The following RFTN1 variants were observed in gnomAD, a reference collection of about 807,000 sequenced individuals.
RFTN1 encodes the protein raftlin.
Under a neutral mutation model 46.5 loss-of-function variants are expected in RFTN1, and 26 were observed. That is an observed-to-expected ratio of 0.56 (90% CI 0.41 to 0.78). The LOEUF (loss-of-function observed/expected upper bound fraction) is 0.78. Ranked by LOEUF, RFTN1 falls within the 30% of genes least tolerant of loss-of-function variation. RFTN1 has a pLI of 0.00. For missense variants in RFTN1, 693 were observed against 718.7 expected (o/e 0.96, Z 0.41); for synonymous variants, 261 against 284.2 (o/e 0.92, Z 0.82).
In RFTN1 at chr3:16,351,156, A is replaced by G. The variant is rs1398251117; in HGVS notation, c.1146+6776T>C. On this transcript the variant is annotated intron_variant, in intron 7 of 9. Transcript: ENST00000334133. The surrounding 1 kb of genome is among the most constrained non-coding windows in gnomAD (Gnocchi z 5.4). ...TCATCGAGCCTTTCATGTAAATACA[A>G]TAGAGGAATGGAAGATGGAACAACA... 1.3e-5 allele frequency among the ~76,000 whole-genome samples: 2 copies of G among 152,216 alleles called. No homozygotes were observed. The highest frequency in any genetic ancestry group is 4.8e-5 in the African/African-American group (2 of 41,452).
intron 2 of RFTN1, chr3:16,434,769 C>G (rs2075469749): frequency 6.6e-6 from 1 of 152,036 alleles, no homozygotes; most frequent in African/African-American, 2.4e-5. Flanking sequence ...AAAAGACAAA[C>G]TGGAACAAAA....
chr3:16,341,989 A>G lies in RFTN1; in HGVS notation c.1147-15113T>C, dbSNP rs1169220054. ...ACTTTGCTTTCTTTTCTTGACCTGT[A>G]TTTTCTAAATTATCTTTAATGACCA... On this transcript the variant is annotated intron_variant, in intron 7 of 9. Coordinates refer to ENST00000334133, the MANE Select transcript of RFTN1 (RefSeq NM_015150.2). The surrounding 1 kb of genome is among the most constrained non-coding windows in gnomAD (Gnocchi z 4.7). Among the ~76,000 whole-genome samples, 1 of 152,134 alleles carries G rather than the reference A, an allele frequency of 6.6e-6. No homozygotes were observed. The highest frequency in any genetic ancestry group is 1.5e-5 in the Non-Finnish European group (1 of 68,028).
chr3:16,337,244 C>T lies in RFTN1; in HGVS notation c.1147-10368G>A, dbSNP rs2070943502. 6.6e-6 allele frequency: 1 copy of T among 152,220 alleles called. No homozygotes were observed. Among genetic ancestry groups the T allele is most frequent in the Non-Finnish European group, 1.5e-5 (1 of 68,044 alleles). The allele number at this position is 152,220 out of a possible 1,614,324, so 9.4% of individuals were successfully genotyped here. On this transcript the variant is annotated intron_variant, in intron 7 of 9. Coordinates refer to ENST00000334133, the MANE Select transcript of RFTN1 (RefSeq NM_015150.2). This position sits in a 1 kb window ranked among gnomAD's most constrained non-coding sequence, Gnocchi z 5.0. Reference sequence around the variant, plus strand: ...GCTGTGGTCCACCCATCAGCGCCTGCAGGCACATGCTGAGATTAGTCGATT... The same window carrying T: ...GCTGTGGTCCACCCATCAGCGCCTGTAGGCACATGCTGAGATTAGTCGATT...
rs1270479228 is a variant in RFTN1 at position 16,335,019 on chromosome 3, T to A, written c.1147-8143A>T. ...CAATGGTCGGTAACAGATTGTCTCC[T>A]AAAAGTCTCCACAAAGAATGTGGTC... On this transcript the variant is annotated intron_variant, in intron 7 of 9. Transcript: ENST00000334133. The surrounding 1 kb of genome is among the most constrained non-coding windows in gnomAD (Gnocchi z 4.7). Among the ~76,000 whole-genome samples the A allele has an allele frequency of 1.3e-5, 2 of 152,206 alleles. No homozygotes were observed. Among genetic ancestry groups the A allele is most frequent in the Non-Finnish European group, 2.9e-5 (2 of 68,032 alleles).
rs1349271185 is a variant in RFTN1 at position 16,446,685 on chromosome 3, A to G, written c.146-12648T>C. On this transcript the variant is annotated intron_variant, in intron 2 of 9. Coordinates refer to ENST00000334133, the MANE Select transcript of RFTN1 (RefSeq NM_015150.2). The surrounding 1 kb of genome is among the most constrained non-coding windows in gnomAD (Gnocchi z 4.5). ...AGGACAAAGACCATGGTTGTATACA[A>G]GACAGTGACTGGAAATCTCAACTCC... Among the ~76,000 whole-genome samples the G allele has an allele frequency of 6.6e-6, 1 of 152,240 alleles. No homozygotes were observed. The highest frequency in any genetic ancestry group is 1.5e-5 in the Non-Finnish European group (1 of 68,048).
chr3:16,460,858 C>A lies in RFTN1; in HGVS notation c.146-26821G>T, dbSNP rs763842944. Among the ~76,000 whole-genome samples the A allele has an allele frequency of 4.6e-5, 7 of 152,194 alleles. No individual in the cohort carries two copies. The highest frequency in any genetic ancestry group is 1.0e-4 in the Non-Finnish European group (7 of 68,032). On this transcript the variant is annotated intron_variant, in intron 2 of 9. Coordinates refer to ENST00000334133, the MANE Select transcript of RFTN1 (RefSeq NM_015150.2). The surrounding 1 kb of genome is among the most constrained non-coding windows in gnomAD (Gnocchi z 4.8). ...GCCCACTCTCTCCCACCTACCCACC[C>A]CAGAATTTCTTACCCTTCATAAGGC...
rs2075673285 is a variant in RFTN1 at position 16,443,729 on chromosome 3, C to T, written c.146-9692G>A. On this transcript the variant is annotated intron_variant, in intron 2 of 9. Coordinates refer to ENST00000334133, the MANE Select transcript of RFTN1 (RefSeq NM_015150.2). This position sits in a 1 kb window ranked among gnomAD's most constrained non-coding sequence, Gnocchi z 5.5. ...TTGCTCGTCATTTCAGAGAATCACACATAGTCAATGAATTACACACAACAC... is the reference window on the plus strand; with the variant it reads ...TTGCTCGTCATTTCAGAGAATCACATATAGTCAATGAATTACACACAACAC... Among the ~76,000 whole-genome samples, 1 of 150,704 alleles carries T rather than the reference C, an allele frequency of 6.6e-6. No individual in the cohort carries two copies. The highest frequency in any genetic ancestry group is 2.5e-5 in the African/African-American group (1 of 40,632).
rs1156233810 is a variant in RFTN1, at chr3:16,489,412, C to A, written c.145+4313G>T. On this transcript the variant is annotated intron_variant, in intron 2 of 9. Coordinates refer to ENST00000334133, the MANE Select transcript of RFTN1 (RefSeq NM_015150.2). This position sits in a 1 kb window ranked among gnomAD's most constrained non-coding sequence, Gnocchi z 4.0. ...CAGCCTGGGCAACAGAGTGAGACTTCGCTTCAAAAAAAAATCAGTGATGGA... is the reference window on the plus strand; with the variant it reads ...CAGCCTGGGCAACAGAGTGAGACTTAGCTTCAAAAAAAAATCAGTGATGGA... Among the ~76,000 whole-genome samples, 2 of 151,362 alleles carry A rather than the reference C, an allele frequency of 1.3e-5. No homozygotes were observed. Among genetic ancestry groups the A allele is most frequent in the African/African-American group, 4.9e-5 (2 of 41,160 alleles).
chr3:16,435,653 T>G (rs2075495564), intron 2 of RFTN1, among the ~76,000 whole-genome samples: 1 of 152,160 alleles, frequency 6.6e-6, no homozygotes, highest in Admixed American at 6.5e-5. Flanking sequence ...TTCTCATTCT[T>G]TTCTACAGAT....
Position 16,490,112 on chromosome 3 carries a change from G to A in RFTN1, c.145+3613C>T, listed in dbSNP as rs575767774. On this transcript the variant is annotated intron_variant, in intron 2 of 9. Coordinates refer to ENST00000334133, the MANE Select transcript of RFTN1 (RefSeq NM_015150.2). ...TCTAGGTTTACTAGGACCCGACTAT[G>A]CAAGACAGGCTCATCTCAGCTAGAA... Among the ~76,000 whole-genome samples, 7 of 152,318 alleles carry A rather than the reference G, an allele frequency of 4.6e-5. No homozygotes were observed. The East Asian group carries it at 1.3e-3, about 29-fold the overall frequency.
rs1166641092 is a variant in RFTN1 at position 16,384,496 on chromosome 3, AGGCTTTCAGCCATCACT to A, written c.442-6411_442-6395del. On this transcript the variant is annotated intron_variant, in intron 4 of 9. Coordinates refer to ENST00000334133, the MANE Select transcript of RFTN1 (RefSeq NM_015150.2). This position sits in a 1 kb window ranked among gnomAD's most constrained non-coding sequence, Gnocchi z 4.7. ...CGTGAGAGGCTGAAGTGTGGCAGGGAGGCTTTCAGCCATCACTGTTGCCCAGGTAAAGGAAATTTCCC... is the reference window on the plus strand; with the variant it reads ...CGTGAGAGGCTGAAGTGTGGCAGGGAGTTGCCCAGGTAAAGGAAATTTCCC... 1.1e-4 allele frequency among the ~76,000 whole-genome samples: 16 copies of A among 152,188 alleles called. No individual in the cohort carries two copies. The highest frequency in any genetic ancestry group is 5.9e-5 in the Non-Finnish European group (4 of 68,018).
chr3:16,361,218 A>T lies in RFTN1; in HGVS notation c.1031-3171T>A, dbSNP rs2072806173. 2.0e-5 allele frequency among the ~76,000 whole-genome samples: 3 copies of T among 152,202 alleles called. No individual in the cohort carries two copies. The highest frequency in any genetic ancestry group is 2.0e-4 in the Admixed American group (3 of 15,282). On this transcript the variant is annotated intron_variant, in intron 6 of 9. Transcript: ENST00000334133. This position sits in a 1 kb window ranked among gnomAD's most constrained non-coding sequence, Gnocchi z 4.3. The stretch of plus-strand genomic sequence containing the variant: ...TTAGAGGAGTCTAAAAATGGCATAT[A>T]GGGCCTCAGAAGGGTGAGTGACATG...
intron 8 of RFTN1, among the ~76,000 whole-genome samples, chr3:16,324,427 G>T (rs917271971): frequency 3.3e-5 from 5 of 151,962 alleles, no homozygotes; most frequent in African/African-American, 1.2e-4. Flanking sequence ...AACATCTCTC[G>T]TTTGCCCATC....
Position 16,327,996 on chromosome 3 carries a change from C to T in RFTN1, c.1147-1120G>A, listed in dbSNP as rs2069905080. Among the ~76,000 whole-genome samples the T allele has an allele frequency of 6.6e-6, 1 of 152,344 alleles. No homozygotes were observed. The highest frequency in any genetic ancestry group is 1.9e-4 in the East Asian group (1 of 5,182). ...CTTCTTGTAGTTGGCTTCCGAAAAT[C>T]TCAAACATGTATCCAGATTCCTTCC... On this transcript the variant is annotated intron_variant, in intron 7 of 9. Transcript: ENST00000334133. The surrounding 1 kb of genome is among the most constrained non-coding windows in gnomAD (Gnocchi z 4.2).
At chr3:16,386,751 C>T (rs555719790) in intron 4 of RFTN1, among the ~76,000 whole-genome samples, 1 of 152,076 alleles carries the variant, frequency 6.6e-6, no homozygotes, top group South Asian at 2.1e-4. Context: ...TGGTATGGAT[C>T]GAGGTGGGGG....
chr3:16,415,409 G>GTATATATA (rs367960866), intron 3 of RFTN1, among the ~76,000 whole-genome samples: 3,767 of 104,316 alleles, frequency 0.036, 217 homozygotes, highest in African/African-American at 0.099. Context: ...AGACAGTTGA[G>GTATATATA]TATATATATA....
chr3:16,408,685 C>T (rs2074917648), intron 4 of RFTN1, among the ~76,000 whole-genome samples: 2 of 147,748 alleles, frequency 1.4e-5, no homozygotes, highest in Admixed American at 6.8e-5. Flanking sequence ...AAGCTGACAG[C>T]TGACAATAAT....
At chr3:16,355,029 G>A (rs1041362117) in intron 7 of RFTN1, among the ~76,000 whole-genome samples, 10 of 152,028 alleles carry the variant, frequency 6.6e-5, no homozygotes, top group Non-Finnish European at 1.5e-4. Flanking sequence ...GGCCTTTACT[G>A]TCCATATTTC....
rs1038898940 is a variant in RFTN1, at chr3:16,446,891, T to C, written c.146-12854A>G. Reference sequence around the variant, plus strand: ...ACTGGTTTATCAATAAAGTCTTAGGTGAATTTTCAAAAGCTTCTGAATATA... The same window carrying C: ...ACTGGTTTATCAATAAAGTCTTAGGCGAATTTTCAAAAGCTTCTGAATATA... On this transcript the variant is annotated intron_variant, in intron 2 of 9. Transcript: ENST00000334133. This position sits in a 1 kb window ranked among gnomAD's most constrained non-coding sequence, Gnocchi z 4.5. Among the ~76,000 whole-genome samples, 4 of 152,186 alleles carry C rather than the reference T, an allele frequency of 2.6e-5. No individual in the cohort carries two copies. Among genetic ancestry groups the C allele is most frequent in the Non-Finnish European group, 2.9e-5 (2 of 68,028 alleles).
Sources: gnomAD v4.1 joint callset for allele counts (sites outside exome capture counted in the v4.1 genomes callset) on GRCh38, gnomAD v4.1.1 for gene constraint, Gnocchi (gnomAD v3.1) non-coding constraint, MANE v1.5 for transcripts, NCBI Gene and HGNC (gene_info 2026-07-23, HGNC 2026-07-21) for gene names.